The following VPS9D1 variants were observed in gnomAD, a reference collection of about 807,000 sequenced individuals.
VPS9D1 encodes the protein VPS9 domain-containing protein 1.
In VPS9D1, 78 loss-of-function variants were observed where a neutral mutation model predicts 75.8. The observed-to-expected ratio is 1.03, with a 90% CI of 0.86 to 1.24. VPS9D1 has a LOEUF of 1.24. Ranked by LOEUF, VPS9D1 falls within the 50% of genes most tolerant of loss-of-function variation. The pLI is 0.00. For synonymous variants in VPS9D1, 481 were observed against 385.6 expected (o/e 1.25, Z -2.90); for missense variants, 1,057 against 847.7 (o/e 1.25, Z -3.07).
intron 2 of VPS9D1, chr16:89,718,019 G>T (rs1159571394): frequency 2.2e-6 from 1 of 451,350 alleles, no homozygotes. Context: ...CCCACGTCCA[G>T]TGGGTCCCCC....
intron 6 of VPS9D1, 97 bp downstream of exon 6, chr16:89,712,363 G>A: frequency 6.4e-7 from 1 of 1,555,090 alleles, no homozygotes; most frequent in Non-Finnish European, 8.7e-7. Flanking sequence ...CCCCGACCCC[G>A]GAACCTCCGC....
Position 89,709,129 on chromosome 16 carries a change from G to A in VPS9D1, c.1597+98C>T, listed in dbSNP as rs937542067. On this transcript the variant is annotated intron_variant, in intron 12 of 14. Coordinates refer to ENST00000389386, the MANE Select transcript of VPS9D1 (RefSeq NM_004913.3). ...GTTCTGGTCCCCCAACCTCCCCACCGGCACGTGACAAGAGAAGCTCAGTGG... is the reference window on the plus strand; with the variant it reads ...GTTCTGGTCCCCCAACCTCCCCACCAGCACGTGACAAGAGAAGCTCAGTGG... 8.9e-5 allele frequency: 135 copies of A among 1,514,516 alleles called. 1 individual carries two copies. Among genetic ancestry groups the A allele is most frequent in the East Asian group, 1.7e-4 (7 of 41,664 alleles). 93.8% of individuals were successfully genotyped at this position (1,514,516 alleles called of 1,614,324 possible).
intron 1 of VPS9D1, chr16:89,720,495 C>T: frequency 8.9e-7 from 1 of 1,127,802 alleles, no homozygotes; most frequent in Non-Finnish European, 1.1e-6. Context: ...CCTGCTACAT[C>T]TCCTCTACAG....
chr16:89,716,551 T>C lies in VPS9D1; in HGVS notation c.342A>G (p.Val114=). The C allele has an allele frequency of 6.2e-7, 1 of 1,614,082 alleles. No individual in the cohort carries two copies. Among genetic ancestry groups the C allele is most frequent in the Middle Eastern group, 1.7e-4 (1 of 6,058 alleles). ...IPQPAGRHRR[V]YSDEGGKLSP... ...AGAGCTTTCCTCCTTCATCGGAGTA[T>C]ACACGGCGGTGTCGGCCGGCAGGCT... Residue 114 remains valine, a synonymous_variant, in exon 4 of 15, where the codon GTA becomes GTG. Coordinates refer to ENST00000389386, the MANE Select transcript of VPS9D1 (RefSeq NM_004913.3).
At chr16:89,720,456 G>C in intron 1 of VPS9D1, 1 of 1,075,756 alleles carries the variant, frequency 9.3e-7, no homozygotes. Flanking sequence ...CCCGTCACTC[G>C]GATTTTGGAA....
At chr16:89,720,448 C>T (rs1174408776) in intron 1 of VPS9D1, 2 of 1,066,682 alleles carry the variant, frequency 1.9e-6, no homozygotes, top group Non-Finnish European at 2.3e-6. Flanking sequence ...CGGACCTGCC[C>T]GTCACTCGGA....
At chr16:89,717,490 C>G (rs2061102422) in intron 2 of VPS9D1, 1 of 448,900 alleles carries the variant, frequency 2.2e-6, no homozygotes, top group Non-Finnish European at 4.5e-6. Context: ...GCTCACACAG[C>G]CCTTCTGCGC....
chr16:89,719,451 T>G (rs555047507), intron 1 of VPS9D1: 48 of 442,164 alleles, frequency 1.1e-4, no homozygotes, highest in South Asian at 6.1e-4. Context: ...CTCAGCAGTT[T>G]GCTGTCATTT....
intron 6 of VPS9D1, 88 bp downstream of exon 6, chr16:89,712,372 G>A: frequency 1.3e-6 from 2 of 1,572,852 alleles, no homozygotes; most frequent in Non-Finnish European, 1.7e-6. Flanking sequence ...CGGAACCTCC[G>A]CTCCCCTCGC....
At chr16:89,709,617 C>A (rs1020049108) in intron 11 of VPS9D1, among the ~76,000 whole-genome samples, 160 bp downstream of exon 11, 1 of 152,080 alleles carries the variant, frequency 6.6e-6, no homozygotes, top group African/African-American at 2.4e-5. Flanking sequence ...AACTGGAAGC[C>A]CCTGAGGATG....
chr16:89,710,753 G>A lies in VPS9D1; in HGVS notation c.1091C>T (p.Ser364Leu). Residue 364 changes from serine to leucine, a missense_variant, in exon 10 of 15, where the codon TCA (serine) becomes TTA (leucine). Physicochemically the swap from Ser to Leu is moderately radical, Grantham distance 145 (BLOSUM62 -2). Transcript: ENST00000389386. ...PLQPGPVGSP[S>L]PLGDTASGLP... ...TCCAGATGCGGTGTCCCCCAGGGGT[G>A]AGGGAGACCCCACGGGGCCGGGTTG... 6.4e-7 allele frequency: 1 copy of A among 1,574,162 alleles called. No individual in the cohort carries two copies.
intron 2 of VPS9D1, chr16:89,717,425 A>G (rs901866503): frequency 7.6e-6 from 3 of 393,220 alleles, no homozygotes; most frequent in East Asian, 7.3e-5. Flanking sequence ...CTGTGTCCCC[A>G]AAGTCCTGCC....
intron 6 of VPS9D1, 60 bp downstream of exon 6, chr16:89,712,400 T>C: frequency 1.9e-6 from 3 of 1,605,434 alleles, no homozygotes; most frequent in Non-Finnish European, 2.5e-6. Flanking sequence ...TTCTCTGCCC[T>C]TGGCTCAAGG....
rs1205887093 is a variant in VPS9D1, at chr16:89,707,861, C to G, written c.1896G>C (p.Ter632TyrextTer3). ...GCAGGGACCCTGGGCTCTAGCTGTA[C>G]TACTTGGCCAGGCCTCCCCGGGGCA... ...ELLPRGGLAK[*>Y] The change falls in exon 15 of 15, where the codon TAG becomes TAC. Residue 632 changes from the stop codon to tyrosine, a stop_lost. Coordinates refer to ENST00000389386, the MANE Select transcript of VPS9D1 (RefSeq NM_004913.3). 6.2e-7 allele frequency: 1 copy of G among 1,612,984 alleles called. No homozygotes were observed. Among genetic ancestry groups the G allele is most frequent in the East Asian group, 2.2e-5 (1 of 44,880 alleles).
At chr16:89,708,266 G>C (rs2060834386) in intron 14 of VPS9D1, among the ~76,000 whole-genome samples, 161 bp downstream of exon 14, 1 of 152,240 alleles carries the variant, frequency 6.6e-6, no homozygotes, top group African/African-American at 2.4e-5. Flanking sequence ...GTGGCAGCAG[G>C]CACTCTGCAC....
chr16:89,715,087 T>C (rs992892878), intron 4 of VPS9D1, among the ~76,000 whole-genome samples: 1 of 152,234 alleles, frequency 6.6e-6, no homozygotes, highest in African/African-American at 2.4e-5. Context: ...ATTCTAGCTA[T>C]CTTTTGACCT....
chr16:89,711,468 G>A (rs2060918655), intron 8 of VPS9D1, 56 bp from the exon 9 acceptor site: 3 of 1,492,336 alleles, frequency 2.0e-6, no homozygotes, highest in South Asian at 2.5e-5. Context: ...GACCGGACGC[G>A]CCTCATCTCC....
intron 12 of VPS9D1, 64 bp from the exon 13 acceptor site, chr16:89,709,020 A>ACCCCGGCCCCCCCCCC: frequency 7.8e-7 from 1 of 1,277,892 alleles, no homozygotes. Flanking sequence ...CACCCCTTAT[A>ACCCCGGCCCCCCCCCC]CCCCGCCCAC....
Position 89,709,234 on chromosome 16 carries a change from C to G in VPS9D1, c.1590G>C (p.Glu530Asp), listed in dbSNP as rs1461381885. 4 of 1,611,908 alleles carry G rather than the reference C, an allele frequency of 2.5e-6. No individual in the cohort carries two copies. The South Asian group carries it at 3.3e-5, about 13-fold the overall frequency. The change falls in exon 12 of 15, where the codon GAG becomes GAC. Residue 530 changes from glutamate to aspartate, a missense_variant. By Grantham distance (45) the Glu-to-Asp change is conservative (BLOSUM62 2). Transcript: ENST00000389386. ...VLESCPQKKL[E>D]CIVRTLRIIC... The stretch of plus-strand genomic sequence containing the variant: ...ACTCTCGAACCTGCTGACCTATGCA[C>G]TCCAGCTTCTTCTGGGGGCAGCTCT...
Sources: gnomAD v4.1 joint callset for allele counts (sites outside exome capture counted in the v4.1 genomes callset) on GRCh38, gnomAD v4.1.1 for gene constraint, MANE v1.5 for transcripts, NCBI Gene and HGNC (gene_info 2026-07-23, HGNC 2026-07-21) for gene names.